Variants in SEMA4D observed in about 807,000 individuals in gnomAD.
The protein encoded by SEMA4D is semaphorin 4D.
Under a neutral mutation model 74.8 loss-of-function variants are expected in SEMA4D, and 22 were observed. The observed-to-expected ratio is 0.29, with a 90% CI of 0.21 to 0.42. The LOEUF is 0.42. SEMA4D is among the 10% of genes least tolerant of loss of function. The pLI, the probability that SEMA4D is intolerant of heterozygous loss-of-function variation, is 1.00. For synonymous variants in SEMA4D, 445 were observed against 463.7 expected, an observed-to-expected ratio of 0.96 and a Z score of 0.52; for missense variants, 937 against 1,118.4, an observed-to-expected ratio of 0.84 and a Z score of 2.31.
intron 3 of SEMA4D, among the ~76,000 whole-genome samples, chr9:89,404,609 C>T (rs375332245): frequency 6.7e-6 from 1 of 150,170 alleles, no homozygotes; most frequent in Non-Finnish European, 1.5e-5. Context: ...CCCAGCCACC[C>T]GCCTCAGCAT....
rs568249634 is a variant in SEMA4D, at chr9:89,492,101, C to A, written c.-310+5818G>T. On this transcript the variant is annotated intron_variant, in intron 1 of 15. Transcript: ENST00000422704. This position sits in a 1 kb window ranked among gnomAD's most constrained non-coding sequence, Gnocchi z 4.3. ...CACTGCCCTTCACGGCAGCAAAATT[C>A]TTGAAAAAGCAATAGGGTCCTGCTG... Among the ~76,000 whole-genome samples the A allele has an allele frequency of 1.3e-5, 2 of 152,302 alleles. No homozygotes were observed. Among genetic ancestry groups the A allele is most frequent in the East Asian group, 3.9e-4 (2 of 5,188 alleles).
At chr9:89,389,128 C>T (rs1240575683) in intron 9 of SEMA4D, 81 bp from the exon 10 acceptor site, 10 of 1,455,656 alleles carry the variant, frequency 6.9e-6, no homozygotes, top group Non-Finnish European at 8.6e-6. Flanking sequence ...TGCACCCCTC[C>T]ATGGCCCAGC....
downstream of SEMA4D, among the ~76,000 whole-genome samples, chr9:89,372,264 GTGGGGTGTGGTGTGTGTCGGGGGTGTGTA>G (rs1391375360): frequency 1.3e-4 from 16 of 119,612 alleles, no homozygotes; most frequent in African/African-American, 4.6e-4. Flanking sequence ...TGGTGGGTGT[GTGGGGTGTGGTGTGTGTCGGGGGTGTGTA>G]TGGGGTGTGG....
intron 18 of SEMA4D, chr9:89,362,506 A>C: frequency 6.2e-7 from 1 of 1,613,106 alleles, no homozygotes. Context: ...TCTGTCTCAT[A>C]GCCCATCCCA....
downstream of SEMA4D, among the ~76,000 whole-genome samples, chr9:89,373,349 G>A (rs553400992): frequency 4.6e-5 from 7 of 152,284 alleles, no homozygotes; most frequent in African/African-American, 1.7e-4. Flanking sequence ...CAAGTCCCTG[G>A]GGCCACTTTC....
intron 5 of SEMA4D, among the ~76,000 whole-genome samples, chr9:89,397,674 G>A (rs1384634919): frequency 6.6e-6 from 1 of 152,220 alleles, no homozygotes; most frequent in Non-Finnish European, 1.5e-5. Context: ...GGAAACCGGA[G>A]CTACACTGCA....
downstream of SEMA4D, among the ~76,000 whole-genome samples, chr9:89,375,001 C>T (rs1473970916): frequency 6.6e-6 from 1 of 152,190 alleles, no homozygotes; most frequent in Admixed American, 6.5e-5. Flanking sequence ...TGCAGTGAGC[C>T]AAGATCGTGC....
At chr9:89,449,737 CAG>C (rs1853889220) in intron 2 of SEMA4D, 18 of 1,517,028 alleles carry the variant, frequency 1.2e-5, no homozygotes, top group Non-Finnish European at 1.6e-5. Flanking sequence ...ATGCAAGAAA[CAG>C]GGAAAATCTT....
At chr9:89,364,798 T>G (rs1833343927) in intron 16 of SEMA4D, 2 of 152,204 alleles carry the variant, frequency 1.3e-5, no homozygotes, top group South Asian at 4.1e-4. Context: ...GGCAGAGACG[T>G]TCCCCTGTGG....
intron 2 of SEMA4D, among the ~76,000 whole-genome samples, chr9:89,427,698 C>T (rs1045243475): frequency 3.4e-5 from 5 of 148,526 alleles, no homozygotes; most frequent in Admixed American, 1.3e-4. Flanking sequence ...TACGGGGCTA[C>T]GGCCCTGCAA....
chr9:89,377,194 G>A (rs779795327), downstream of SEMA4D: 8 of 1,308,528 alleles, frequency 6.1e-6, no homozygotes, highest in East Asian at 1.1e-4. Flanking sequence ...ATGCAGGGGC[G>A]GGAGGCTGCA....
intron 2 of SEMA4D, among the ~76,000 whole-genome samples, chr9:89,427,104 T>C (rs1848272416): frequency 6.6e-6 from 1 of 152,104 alleles, no homozygotes; most frequent in Non-Finnish European, 1.5e-5. Flanking sequence ...GGGTCAGAGG[T>C]AGATACACTC....
At chr9:89,385,755 G>A in intron 13 of SEMA4D, 1 of 441,484 alleles carries the variant, frequency 2.3e-6, no homozygotes, top group Non-Finnish European at 3.0e-6. Flanking sequence ...TCTGCCTGTT[G>A]CTCCCAGCTG....
chr9:89,374,320 G>C (rs7872900), downstream of SEMA4D, among the ~76,000 whole-genome samples: 15,780 of 152,220 alleles, frequency 0.1, 1,324 homozygotes, highest in African/African-American at 0.23. Context: ...ATATCCATCT[G>C]TGACCGCCAG....
chr9:89,487,455 T>C (rs1825280281), intron 1 of SEMA4D, among the ~76,000 whole-genome samples: 1 of 152,146 alleles, frequency 6.6e-6, no homozygotes, highest in Non-Finnish European at 1.5e-5. Flanking sequence ...TTGAAATTCT[T>C]CCTTCCTGAT....
intron 2 of SEMA4D, chr9:89,450,170 TC>T: frequency 1.6e-6 from 2 of 1,251,470 alleles, no homozygotes; most frequent in Non-Finnish European, 2.3e-6. Context: ...TTACCCAGAT[TC>T]CCACAGACAA....
intron 9 of SEMA4D, among the ~76,000 whole-genome samples, chr9:89,390,676 C>T (rs1485886311): frequency 2.0e-5 from 3 of 152,160 alleles, no homozygotes; most frequent in East Asian, 1.9e-4. Context: ...AGGGACATGG[C>T]GGCTGTGTTT....
Position 89,427,777 on chromosome 9 carries a change from C to T in SEMA4D, c.-243-22078G>A, listed in dbSNP as rs77145535. Among the ~76,000 whole-genome samples the T allele has an allele frequency of 2.1e-3, 320 of 152,328 alleles. 2 individuals carry two copies. Among genetic ancestry groups the T allele is most frequent in the African/African-American group, 6.5e-3 (270 of 41,562 alleles). On this transcript the variant is annotated intron_variant, in intron 2 of 15. Coordinates refer to ENST00000422704, the MANE Select transcript of SEMA4D (RefSeq NM_001371194.2). ...ACAGCATGTGGGGGTTCTCATTTTCCGAGCAGTGTGTCACCTTCCAGATGA... is the reference window on the plus strand; with the variant it reads ...ACAGCATGTGGGGGTTCTCATTTTCTGAGCAGTGTGTCACCTTCCAGATGA...
intron 2 of SEMA4D, among the ~76,000 whole-genome samples, chr9:89,428,813 G>A (rs1848639128): frequency 6.6e-6 from 1 of 152,232 alleles, no homozygotes; most frequent in Non-Finnish European, 1.5e-5. Flanking sequence ...GCTGGCCATA[G>A]GGAAATACGC....
Sources: allele counts gnomAD v4.1 joint callset (sites outside exome capture counted in the v4.1 genomes callset), GRCh38; gene constraint gnomAD v4.1.1; non-coding constraint Gnocchi (gnomAD v3.1); transcripts MANE v1.5; gene names NCBI Gene and HGNC (gene_info 2026-07-23, HGNC 2026-07-21).